The following ZNF823 variants were observed in gnomAD, a reference collection of about 807,000 sequenced individuals.
The protein encoded by ZNF823 is ZFP 36 for a zinc finger protein.
Under a neutral mutation model 11.4 loss-of-function variants are expected in ZNF823, and 5 were observed. The observed-to-expected ratio is 0.44, with a 90% CI of 0.23 to 0.92. The LOEUF is 0.92. Ranked by LOEUF, ZNF823 falls within the 40% of genes least tolerant of loss-of-function variation. The pLI, the probability that ZNF823 is intolerant of heterozygous loss-of-function variation, is 0.24. For synonymous variants in ZNF823, 234 were observed against 250.5 expected, an observed-to-expected ratio of 0.93 and a Z score of 0.62; for missense variants, 582 against 738.5, an observed-to-expected ratio of 0.79 and a Z score of 2.46.
intron 1 of ZNF823, among the ~76,000 whole-genome samples, chr19:11,726,811 G>A (rs1207673502): frequency 2.6e-5 from 4 of 152,208 alleles, no homozygotes; most frequent in East Asian, 3.8e-4. Context: ...CAGTTATGAA[G>A]AAACACTCTG....
Position 11,721,526 on chromosome 19 carries a change from T to G in ZNF823, c.*175A>C. ...TAACAAAGGACTTGGCATCTGTGGA[T>G]TTAGAGGGTGCTGGAACCAATCCCC... On this transcript the variant is annotated 3_prime_UTR_variant, in exon 4 of 4. Coordinates refer to ENST00000341191, the MANE Select transcript of ZNF823 (RefSeq NM_001080493.4). 1 of 612,446 alleles carries G rather than the reference T, an allele frequency of 1.6e-6. No individual in the cohort carries two copies. Among genetic ancestry groups the G allele is most frequent in the Non-Finnish European group, 2.8e-6 (1 of 361,066 alleles). 37.9% of individuals were successfully genotyped at this position (612,446 alleles called of 1,614,324 possible).
Position 11,722,638 on chromosome 19 carries a change from G to A in ZNF823, c.896C>T (p.Thr299Met), listed in dbSNP as rs769415569. ...CTTACATGCATAGGGTTGTTCTCCC[G>A]TGTGAGTCCTTTCATGTAGTCGAGT... The part of the protein sequence containing the change: ...YYTRLHERTH[T>M]GEQPYACKQC... The change falls in exon 4 of 4, where the codon ACG (threonine) becomes ATG (methionine). Residue 299 changes from threonine to methionine, a missense_variant. Transcript: ENST00000341191. This position sits in a 1 kb window ranked among gnomAD's most constrained non-coding sequence, Gnocchi z 5.2. The A allele has an allele frequency of 4.3e-6, 7 of 1,613,854 alleles. No individual in the cohort carries two copies. The Middle Eastern group carries it at 4.9e-4, about 114-fold the overall frequency.
intron 1 of ZNF823, among the ~76,000 whole-genome samples, chr19:11,725,698 C>T (rs1427507853): frequency 6.6e-6 from 1 of 152,148 alleles, no homozygotes; most frequent in Non-Finnish European, 1.5e-5. Context: ...ACTGCATATC[C>T]TGACAAATGC....
chr19:11,738,569 C>T (rs1599712870), intron 1 of ZNF823, among the ~76,000 whole-genome samples: 2 of 152,372 alleles, frequency 1.3e-5, no homozygotes, highest in East Asian at 3.9e-4. Context: ...CGCGGAGCTG[C>T]CCAGAGAGGG....
In ZNF823 at chr19:11,726,310, A is replaced by T. The variant is rs969128808; in HGVS notation, c.4-983T>A. Among the ~76,000 whole-genome samples, 15 of 142,860 alleles carry T rather than the reference A, an allele frequency of 1.0e-4. 1 individual carries two copies. Among genetic ancestry groups the T allele is most frequent in the East Asian group, 6.2e-4 (3 of 4,846 alleles). 93.7% of individuals were successfully genotyped at this position (142,860 alleles called of 152,430 possible). ...TACATATATATATATATATATATAA[A>T]TTTTTTTTTAACTTAACTCCTATTC... On this transcript the variant is annotated intron_variant, in intron 1 of 3. Coordinates refer to ENST00000341191, the MANE Select transcript of ZNF823 (RefSeq NM_001080493.4).
chr19:11,724,330 G>T, intron 2 of ZNF823, 76 bp from the exon 3 acceptor site: 1 of 1,308,540 alleles, frequency 7.6e-7, no homozygotes, highest in Non-Finnish European at 1.1e-6. Flanking sequence ...TACGCGTACT[G>T]CAATCATGCA....
chr19:11,738,678 G>T, intron 1 of ZNF823, 139 bp downstream of exon 1: 2 of 1,187,684 alleles, frequency 1.7e-6, no homozygotes, highest in Non-Finnish European at 2.3e-6. Context: ...GGGGACCAAG[G>T]GCAGAGCTGC....
At chr19:11,727,701 T>C (rs1407357725) in intron 1 of ZNF823, among the ~76,000 whole-genome samples, 1 of 152,206 alleles carries the variant, frequency 6.6e-6, no homozygotes, top group Non-Finnish European at 1.5e-5. Flanking sequence ...AAAAGCTTTG[T>C]GGAGTTTTTA....
At chr19:11,723,885 T>A (rs1008840857) in intron 3 of ZNF823, among the ~76,000 whole-genome samples, 2 of 152,186 alleles carry the variant, frequency 1.3e-5, no homozygotes, top group African/African-American at 4.8e-5. Context: ...GGAACTATTT[T>A]GCAAAGACTG....
chr19:11,731,991 A>G (rs1256147930), intron 1 of ZNF823, among the ~76,000 whole-genome samples: 1 of 148,260 alleles, frequency 6.7e-6, no homozygotes, highest in Non-Finnish European at 1.5e-5. Context: ...CTTGGGTAAC[A>G]AGAGTGAAAC....
intron 1 of ZNF823, among the ~76,000 whole-genome samples, chr19:11,735,840 T>A (rs931234196): frequency 6.6e-6 from 1 of 152,208 alleles, no homozygotes; most frequent in Non-Finnish European, 1.5e-5. Flanking sequence ...CTATATTTTA[T>A]AGCTTAATAG....
intron 2 of ZNF823, among the ~76,000 whole-genome samples, chr19:11,724,787 C>T (rs1974761242): frequency 6.6e-6 from 1 of 151,754 alleles, no homozygotes; most frequent in Non-Finnish European, 1.5e-5. Flanking sequence ...GTCTCGATCT[C>T]CTGACCTCAT....
chr19:11,738,306 G>A (rs1260105934), intron 1 of ZNF823, among the ~76,000 whole-genome samples: 1 of 152,124 alleles, frequency 6.6e-6, no homozygotes, highest in Non-Finnish European at 1.5e-5. Context: ...AGCAGAATGC[G>A]GTTTCTTCAC....
Position 11,722,390 on chromosome 19 carries a change from G to C in ZNF823, c.1144C>G (p.His382Asp). 6.2e-7 allele frequency: 1 copy of C among 1,614,024 alleles called. No individual in the cohort carries two copies. Among genetic ancestry groups the C allele is most frequent in the South Asian group, 1.1e-5 (1 of 91,074 alleles). The change falls in exon 4 of 4, where the codon CAC (histidine) becomes GAC (aspartate). Residue 382 changes from histidine (H) to aspartate (D), a missense_variant. His to Asp is a moderately conservative substitution (Grantham distance 81). Transcript: ENST00000341191. The surrounding 1 kb of genome is among the most constrained non-coding windows in gnomAD (Gnocchi z 5.2). ...SSSFRSHMIT[H>D]TGDGPQKCKI... ...CATTTCTGGGGTCCATCTCCTGTGTGTGTTATCATGTGACTTCGAAAGCTC... is the reference window on the plus strand; with the variant it reads ...CATTTCTGGGGTCCATCTCCTGTGTCTGTTATCATGTGACTTCGAAAGCTC...
Position 11,733,948 on chromosome 19 carries a change from C to G in ZNF823, c.3+4869G>C, listed in dbSNP as rs573037851. 4.6e-5 allele frequency among the ~76,000 whole-genome samples: 7 copies of G among 152,090 alleles called. No individual in the cohort carries two copies. In the East Asian group the frequency reaches 1.4e-3, roughly 30 times the overall value. On this transcript the variant is annotated intron_variant, in intron 1 of 3. Transcript: ENST00000341191. ...TTAATAGCTAGAATTAAATAAATCA[C>G]CTTAGGCCAGGTGAGGCGGCTCACA...
rs1975048299 is a variant in ZNF823, at chr19:11,738,938, A to G, written c.-119T>C. On this transcript the variant is annotated 5_prime_UTR_variant, in exon 1 of 4. Coordinates refer to ENST00000341191, the MANE Select transcript of ZNF823 (RefSeq NM_001080493.4). ...TCTCAGCGCCAGAGCCAGGACTCAG[A>G]GCGCAGGGGCGTGGAGAAGACTCCG... The G allele has an allele frequency of 1.5e-6, 2 of 1,325,022 alleles. No homozygotes were observed. Among genetic ancestry groups the G allele is most frequent in the South Asian group, 1.5e-5 (1 of 66,646 alleles). The allele number at this position is 1,325,022 out of a possible 1,614,324, so 82.1% of individuals were successfully genotyped here. A position where few individuals can be genotyped will look rare whatever the true frequency, so the allele number is the denominator to read the frequency against.
At chr19:11,735,702 G>T (rs1050990332) in intron 1 of ZNF823, among the ~76,000 whole-genome samples, 6 of 151,784 alleles carry the variant, frequency 4.0e-5, no homozygotes, top group Admixed American at 1.3e-4. Context: ...CCCAGTCAAG[G>T]CTACTCACTT....
intron 1 of ZNF823, among the ~76,000 whole-genome samples, chr19:11,732,684 C>CG (rs937323862): frequency 6.6e-6 from 1 of 152,038 alleles, no homozygotes; most frequent in African/African-American, 2.4e-5. Context: ...CTGCCCACCT[C>CG]GGCCTCCCAA....
Position 11,723,288 on chromosome 19 carries a change from C to A in ZNF823, c.246G>T (p.Gln82His). The A allele has an allele frequency of 1.2e-6, 2 of 1,613,814 alleles. No individual in the cohort carries two copies. The highest frequency in any genetic ancestry group is 8.5e-7 in the Non-Finnish European group (1 of 1,179,820). The change falls in exon 4 of 4, where the codon CAG becomes CAT. Residue 82 changes from glutamine (Q) to histidine (H), a missense_variant. Gln to His is a conservative substitution (Grantham distance 24). Around this residue, in one of 3 missense-constraint regions of ZNF823, gnomAD observed 429 missense variants for 553.7 expected, o/e 0.77. Transcript: ENST00000341191. ...TCTTGTTCACAATACTATCTGGAAT[C>A]TGGCCAAAAGTTTCTCCACATTGAC... is the stretch of plus-strand genomic sequence containing the variant. ...DDSQCGETFG[Q>H]IPDSIVNKNT... is the part of the protein sequence containing the mutation.
Sources: allele counts gnomAD v4.1 joint callset (sites outside exome capture counted in the v4.1 genomes callset), GRCh38; gene constraint gnomAD v4.1.1; regional missense constraint gnomAD v4.1.1; non-coding constraint Gnocchi (gnomAD v3.1); transcripts MANE v1.5; gene names NCBI Gene and HGNC (gene_info 2026-07-23, HGNC 2026-07-21).